Variants in CIMIP2A observed in about 807,000 individuals in gnomAD.
CIMIP2A encodes the protein family with sequence similarity 166 member A.
chr9:137,245,469 T>C, the CIMIP2A span: 2 of 1,613,584 alleles, frequency 1.2e-6, no homozygotes, highest in Non-Finnish European at 1.7e-6. Context: ...TCTGTCTGGG[T>C]ATGTTCTCTA....
the CIMIP2A span, chr9:137,252,011 A>ACGCC: frequency 6.2e-7 from 1 of 1,611,510 alleles, no homozygotes; most frequent in Non-Finnish European, 8.5e-7. Context: ...TGCTGGAGCA[A>ACGCC]CGCCCCCTGA....
chr9:137,252,671 C>T, the CIMIP2A span: 1 of 1,546,004 alleles, frequency 6.5e-7, no homozygotes, highest in East Asian at 2.5e-5. Flanking sequence ...GTGGCCCTCG[C>T]CAGCCCACTA....
the CIMIP2A span, among the ~76,000 whole-genome samples, chr9:137,248,970 A>G: frequency 3.3e-5 from 5 of 152,184 alleles, no homozygotes; most frequent in African/African-American, 9.7e-5. Context: ...AAGCTCTCAC[A>G]AAACAAAGAT....
chr9:137,251,604 C>G, the CIMIP2A span: 1 of 1,150,646 alleles, frequency 8.7e-7, no homozygotes, highest in Admixed American at 2.4e-5. Flanking sequence ...GGCTGAGGGA[C>G]AGTGTGGGGA....
At chr9:137,253,453 C>T in the CIMIP2A span, 104 of 1,436,612 alleles carry the variant, frequency 7.2e-5, no homozygotes, top group Middle Eastern at 1.8e-4. Context: ...CCCATCTCCC[C>T]GCTACACTGA....
At chr9:137,246,942 G>A in the CIMIP2A span, among the ~76,000 whole-genome samples, 1 of 151,960 alleles carries the variant, frequency 6.6e-6, no homozygotes, top group Admixed American at 6.6e-5. Flanking sequence ...TTTTTTGTTT[G>A]GGGGGATATC....
the CIMIP2A span, among the ~76,000 whole-genome samples, chr9:137,249,077 C>T: frequency 2.0e-5 from 3 of 151,178 alleles, no homozygotes; most frequent in East Asian, 1.9e-4. Flanking sequence ...AGGATGGTCT[C>T]GAACTCCTGA....
chr9:137,249,138 G>C, the CIMIP2A span, among the ~76,000 whole-genome samples: 1 of 152,170 alleles, frequency 6.6e-6, no homozygotes, highest in East Asian at 1.9e-4. Context: ...TTACAGGCGT[G>C]AGCCACTGTG....
chr9:137,251,466 G>A, the CIMIP2A span: 1 of 1,257,940 alleles, frequency 7.9e-7, no homozygotes, highest in East Asian at 2.3e-5. Flanking sequence ...GACAGTGTGG[G>A]GGGCAGGTTG....
chr9:137,246,911 T>C, the CIMIP2A span, among the ~76,000 whole-genome samples: 1 of 152,166 alleles, frequency 6.6e-6, no homozygotes, highest in Non-Finnish European at 1.5e-5. Flanking sequence ...ACACACACGT[T>C]CCGTAGAGGG....
the CIMIP2A span, among the ~76,000 whole-genome samples, chr9:137,249,736 G>A: frequency 2.6e-5 from 4 of 152,314 alleles, no homozygotes; most frequent in Non-Finnish European, 4.4e-5. Flanking sequence ...CCCAGAGGGC[G>A]GCAACTAGCG....
the CIMIP2A span, among the ~76,000 whole-genome samples, chr9:137,246,947 G>C: frequency 2.0e-5 from 3 of 151,970 alleles, no homozygotes; most frequent in Non-Finnish European, 4.4e-5. Context: ...TGTTTGGGGG[G>C]ATATCTAGTG....
the CIMIP2A span, chr9:137,245,389 G>T: frequency 2.5e-6 from 4 of 1,613,354 alleles, no homozygotes; most frequent in Non-Finnish European, 3.4e-6. Flanking sequence ...CAAGTCTCTG[G>T]AGTCTCCCTT....
the CIMIP2A span, among the ~76,000 whole-genome samples, chr9:137,249,018 GT>G: frequency 1.3e-5 from 2 of 150,250 alleles, no homozygotes. Flanking sequence ...GACTAATATG[GT>G]TTTTTTTTTT....
the CIMIP2A span, chr9:137,252,561 C>A: frequency 1.5e-6 from 2 of 1,333,278 alleles, no homozygotes; most frequent in Admixed American, 4.4e-5. Context: ...GGGGAGTCCA[C>A]GCAGGCAGGG....
the CIMIP2A span, chr9:137,252,067 C>T: frequency 2.5e-5 from 40 of 1,612,926 alleles, no homozygotes; most frequent in South Asian, 5.5e-5. Context: ...TACCAGGTGC[C>T]GAGCCCGTCC....
At chr9:137,247,763 G>C in the CIMIP2A span, 4 of 1,586,132 alleles carry the variant, frequency 2.5e-6, no homozygotes, top group Non-Finnish European at 3.5e-6. Context: ...CCGGCATCCA[G>C]CTCCCTTCCC....
At chr9:137,250,702 G>A in the CIMIP2A span, 1 of 158,490 alleles carries the variant, frequency 6.3e-6, no homozygotes, top group African/African-American at 2.4e-5. Context: ...GTGCCCCCAG[G>A]TGAGAGGTAG....
chr9:137,249,047 A>G, the CIMIP2A span, among the ~76,000 whole-genome samples: 2 of 151,660 alleles, frequency 1.3e-5, no homozygotes, highest in Middle Eastern at 3.2e-3. Context: ...TAGTAGAGAC[A>G]GGGTTTCACC....
Sources: allele counts gnomAD v4.1 joint callset (sites outside exome capture counted in the v4.1 genomes callset), GRCh38; gene constraint gnomAD v4.1.1; transcripts MANE v1.5; gene names NCBI Gene and HGNC (gene_info 2026-07-23, HGNC 2026-07-21).